Variants in LRRK2 observed in about 807,000 individuals in gnomAD.
LRRK2 encodes the protein leucine-rich repeat serine/threonine-protein kinase 2.
Under a neutral mutation model 302.6 loss-of-function variants are expected in LRRK2, and 203 were observed. The observed-to-expected ratio is 0.67, with a 90% CI of 0.60 to 0.75. The LOEUF (loss-of-function observed/expected upper bound fraction) is 0.75. Ranked by LOEUF, LRRK2 falls within the 30% of genes least tolerant of loss-of-function variation. LRRK2 has a pLI of 0.00. For missense variants in LRRK2, 2,830 were observed against 2,951.0 expected (o/e 0.96, Z 0.95); for synonymous variants, 1,066 against 1,031.9 (o/e 1.03, Z -0.63).
chr12:40,334,931 G>A (rs1555192054), intron 39 of LRRK2, 36 bp from the exon 40 acceptor site: 11 of 1,610,916 alleles, frequency 6.8e-6, no homozygotes, highest in South Asian at 1.1e-5. Context: ...AAAACCTGAT[G>A]TTGAATTACT....
chr12:40,327,612 A>G (rs1024739426), intron 38 of LRRK2, among the ~76,000 whole-genome samples: 2 of 152,338 alleles, frequency 1.3e-5, no homozygotes, highest in African/African-American at 4.8e-5. Flanking sequence ...GCAACGCGGA[A>G]TAATTTGTTT....
rs1942883701 is a variant in LRRK2 at position 40,263,775 on chromosome 12, A to G, written c.1544-14A>G. 2 of 1,542,470 alleles carry G rather than the reference A, an allele frequency of 1.3e-6. No homozygotes were observed. Among genetic ancestry groups the G allele is most frequent in the Non-Finnish European group, 1.8e-6 (2 of 1,116,004 alleles). ...AAGAAAATTCTTTCTTTATTTATTT[A>G]TCTGTGCATTTAGGCATGCCAGAAG... On this transcript the variant is annotated splice_polypyrimidine_tract_variant and intron_variant, in intron 13 of 50. Coordinates refer to ENST00000298910, the MANE Select transcript of LRRK2 (RefSeq NM_198578.4).
chr12:40,312,461 A>G (rs1945066229), intron 31 of LRRK2, among the ~76,000 whole-genome samples: 1 of 152,066 alleles, frequency 6.6e-6, no homozygotes, highest in Admixed American at 6.6e-5. Context: ...CCTGAATTCA[A>G]AGAGCAGCTT....
chr12:40,360,839 A>G (rs903172613), intron 47 of LRRK2, among the ~76,000 whole-genome samples: 24 of 150,246 alleles, frequency 1.6e-4, no homozygotes, highest in Non-Finnish European at 1.9e-4. Flanking sequence ...CAACCTTTGA[A>G]TGTGGTCTTC....
chr12:40,326,899 A>T (rs1343829957), intron 38 of LRRK2, among the ~76,000 whole-genome samples: 6 of 152,252 alleles, frequency 3.9e-5, no homozygotes, highest in Non-Finnish European at 8.8e-5. Flanking sequence ...AATACAAGAC[A>T]TGCTCAAATA....
At chr12:40,245,809 C>A (rs1941953728) in intron 7 of LRRK2, among the ~76,000 whole-genome samples, 1 of 151,942 alleles carries the variant, frequency 6.6e-6, no homozygotes, top group Non-Finnish European at 1.5e-5. Context: ...ATTGAACTAA[C>A]CTACCTTTCT....
intron 19 of LRRK2, among the ~76,000 whole-genome samples, chr12:40,284,978 C>G (rs1943861490): frequency 6.6e-6 from 1 of 152,110 alleles, no homozygotes; most frequent in Admixed American, 6.6e-5. Context: ...AGAAAAGTAC[C>G]CATCCATGCA....
chr12:40,358,530 G>A (rs1408200770), intron 46 of LRRK2, among the ~76,000 whole-genome samples: 1 of 152,138 alleles, frequency 6.6e-6, no homozygotes, highest in Non-Finnish European at 1.5e-5. Context: ...TTGAAAATTA[G>A]TTGGCTTTAA....
intron 43 of LRRK2, among the ~76,000 whole-genome samples, chr12:40,350,436 A>G (rs1256278881): frequency 6.6e-6 from 1 of 152,154 alleles, no homozygotes; most frequent in South Asian, 2.1e-4. Flanking sequence ...CATTGTTTTT[A>G]AAAAAATCAT....
intron 14 of LRRK2, among the ~76,000 whole-genome samples, chr12:40,274,149 A>G (rs1943349744): frequency 6.6e-6 from 1 of 152,138 alleles, no homozygotes; most frequent in Non-Finnish European, 1.5e-5. Flanking sequence ...TCAATATTTT[A>G]TTTGTTAAGA....
rs1378083053 is a variant in LRRK2 at position 40,362,354 on chromosome 12, T to G, written c.7029-1048T>G. On this transcript the variant is annotated intron_variant, in intron 47 of 50. Transcript: ENST00000298910. ...TGGTATTTTCATGTTATCTATCTGA[T>G]TTAAATGCAATTTTGACTATTTTTA... Among the ~76,000 whole-genome samples the G allele has an allele frequency of 1.2e-4, 19 of 152,222 alleles. 1 individual carries two copies. In the East Asian group the frequency reaches 3.1e-3, roughly 25 times the overall value.
intron 2 of LRRK2, among the ~76,000 whole-genome samples, chr12:40,226,027 A>G (rs1288080082): frequency 6.6e-6 from 1 of 152,192 alleles, no homozygotes; most frequent in African/African-American, 2.4e-5. Context: ...ATAGTTTGGA[A>G]AAGGGGAATA....
At position 40,225,556 on chromosome 12, in the gene LRRK2, C is replaced by T. The variant is rs1336563950; in HGVS notation, c.153C>T (p.Ala51=). The T allele has an allele frequency of 6.2e-7, 1 of 1,613,672 alleles. No individual in the cohort carries two copies. The highest frequency in any genetic ancestry group is 8.5e-7 in the Non-Finnish European group (1 of 1,179,584). Residue 51 remains alanine (A), a splice_region_variant and synonymous_variant, in exon 2 of 51, where the codon GCC becomes GCT. Transcript: ENST00000298910. ...TTTCCCCACCCACTTGTTTTCCAGC[C>T]TCCAAGTTATTTCAAGGCAAAAATA... ...DLLVFTYSER[A]SKLFQGKNIH...
At chr12:40,306,852 T>A (rs891993510) in intron 28 of LRRK2, among the ~76,000 whole-genome samples, 12 of 152,286 alleles carry the variant, frequency 7.9e-5, no homozygotes, top group Non-Finnish European at 1.6e-4. Flanking sequence ...TTTTCTGAAC[T>A]CCTGAGCTTG....
At chr12:40,231,576 C>CAAAAAAAAAAA (rs71078231) in intron 2 of LRRK2, among the ~76,000 whole-genome samples, 2 of 105,884 alleles carry the variant, frequency 1.9e-5, no homozygotes, top group Non-Finnish European at 1.8e-5. Context: ...AAAACAAAAC[C>CAAAAAAAAAAA]AAAAAAAAAA....
chr12:40,316,828 C>T (rs1945239854), intron 33 of LRRK2, among the ~76,000 whole-genome samples: 1 of 151,968 alleles, frequency 6.6e-6, no homozygotes, highest in Non-Finnish European at 1.5e-5. Context: ...GTAGCTGCAT[C>T]CTGTACAGCA....
chr12:40,363,656 ATT>A, intron 48 of LRRK2, 102 bp downstream of exon 48: 1 of 1,332,274 alleles, frequency 7.5e-7, no homozygotes, highest in Non-Finnish European at 1.0e-6. Flanking sequence ...TGAATAGAGA[ATT>A]TTTTTAAAAT....
At chr12:40,326,030 A>G (rs1945536971) in intron 38 of LRRK2, among the ~76,000 whole-genome samples, 1 of 152,088 alleles carries the variant, frequency 6.6e-6, no homozygotes, top group Non-Finnish European at 1.5e-5. Flanking sequence ...CTTGCCTTCA[A>G]TTTTCTTTCC....
rs138849098 is a variant in LRRK2 at position 40,340,589 on chromosome 12, C to G, written c.6109+135C>G. 15 of 892,084 alleles carry G rather than the reference C, an allele frequency of 1.7e-5. No individual in the cohort carries two copies. The East Asian group carries it at 3.8e-4, about 22-fold the overall frequency. 55.3% of individuals were successfully genotyped at this position (892,084 alleles called of 1,614,324 possible). A position where few individuals can be genotyped will look rare whatever the true frequency, so the allele number is the denominator to read the frequency against. ...CAGAGGTTTATTTTGTGAAAAAATGCAAGCATCACATTGTGATTTTTATCA... is the reference window on the plus strand; with the variant it reads ...CAGAGGTTTATTTTGTGAAAAAATGGAAGCATCACATTGTGATTTTTATCA... On this transcript the variant is annotated intron_variant, in intron 41 of 50. Coordinates refer to ENST00000298910, the MANE Select transcript of LRRK2 (RefSeq NM_198578.4).
Sources: allele counts gnomAD v4.1 joint callset (sites outside exome capture counted in the v4.1 genomes callset), GRCh38; gene constraint gnomAD v4.1.1; transcripts MANE v1.5; gene names NCBI Gene and HGNC (gene_info 2026-07-23, HGNC 2026-07-21).